Variants in EFCAB9 observed in about 807,000 individuals in gnomAD.
The protein encoded by EFCAB9 is EF-hand calcium binding domain 9, also known as EF-hand calcium-binding domain-containing protein 9.
Under a neutral mutation model 15.6 loss-of-function variants are expected in EFCAB9, and 16 were observed. The ratio of observed to expected loss-of-function variants is 1.03; its 90% CI spans 0.69 to 1.56. The LOEUF (loss-of-function observed/expected upper bound fraction) is 1.56. Ranked by LOEUF, EFCAB9 falls within the 40% of genes most tolerant of loss-of-function variation. The probability of loss-of-function intolerance (pLI) is 0.00; values close to 1 mark genes in which losing one functional copy is unlikely to be tolerated. For missense variants in EFCAB9, 208 were observed against 235.4 expected (o/e 0.88, Z 0.76); for synonymous variants, 76 against 85.4 (o/e 0.89, Z 0.61).
intron 1 of EFCAB9, among the ~76,000 whole-genome samples, chr5:172,195,121 C>G (rs1051728342): frequency 2.7e-5 from 4 of 150,846 alleles, no homozygotes; most frequent in African/African-American, 9.8e-5. Flanking sequence ...GCTGCAGGAT[C>G]CCTTCTACTT....
In EFCAB9 at chr5:172,194,194, T is replaced by C; in HGVS notation, c.22T>C (p.Phe8Leu). The change falls in exon 1 of 4, where the codon TTT becomes CTT. Residue 8 changes from phenylalanine (F) to leucine (L), a missense_variant. Phe to Leu is a conservative substitution (Grantham distance 22). Transcript: ENST00000398186. MRLKQGS[F>L]LWYLYLDKIY... Reference sequence around the variant, plus strand: ...TAAGATGAGACTGAAGCAAGGATCGTTTCTGTGGTACCTCTATCTGGACAA... The same window carrying C: ...TAAGATGAGACTGAAGCAAGGATCGCTTCTGTGGTACCTCTATCTGGACAA... The C allele has an allele frequency of 6.5e-7, 1 of 1,537,470 alleles. No individual in the cohort carries two copies. Among genetic ancestry groups the C allele is most frequent in the East Asian group, 2.4e-5 (1 of 40,920 alleles).
At chr5:172,194,742 T>C (rs1702576780) in intron 1 of EFCAB9, among the ~76,000 whole-genome samples, 1 of 151,986 alleles carries the variant, frequency 6.6e-6, no homozygotes, top group African/African-American at 2.4e-5. Context: ...CAGAGAGAAG[T>C]TGCCAACTCA....
In EFCAB9 at chr5:172,203,268, C is replaced by T; in HGVS notation, c.517C>T (p.Gln173Ter). ...TACAATCATCTACACTGACAAATTA[C>T]AGAAGAGGCAGAAAACAGAGGAGAA... Reference protein sequence around the residue: ...LYTIIYTDKLQKRQKTEEKEK... With the variant: ...LYTIIYTDKL The change falls in exon 4 of 4, where the codon CAG becomes TAG. Residue 173 changes from glutamine (Q) to a stop codon, truncating the protein, a stop_gained. Coordinates refer to ENST00000398186, the MANE Select transcript of EFCAB9 (RefSeq NM_001171183.2). LOFTEE classifies it low-confidence loss of function (END_TRUNC). The T allele has an allele frequency of 4.6e-6, 7 of 1,536,188 alleles. No homozygotes were observed. Among genetic ancestry groups the T allele is most frequent in the South Asian group, 1.2e-5 (1 of 84,022 alleles).
rs188430713 is a variant in EFCAB9, at chr5:172,199,026, C to G, written c.137-357C>G. Among the ~76,000 whole-genome samples, 15 of 152,338 alleles carry G rather than the reference C, an allele frequency of 9.8e-5. No homozygotes were observed. The East Asian group carries it at 1.9e-3, about 20-fold the overall frequency. On this transcript the variant is annotated intron_variant, in intron 1 of 3. Coordinates refer to ENST00000398186, the MANE Select transcript of EFCAB9 (RefSeq NM_001171183.2). Reference sequence around the variant, plus strand: ...AGTCCCCAGTGAGAATTAAGCTCTCCTTTCATACATAAGGAGCACTTTGTG... The same window carrying G: ...AGTCCCCAGTGAGAATTAAGCTCTCGTTTCATACATAAGGAGCACTTTGTG...
At chr5:172,197,256 C>T (rs1425268449) in intron 1 of EFCAB9, among the ~76,000 whole-genome samples, 4 of 151,946 alleles carry the variant, frequency 2.6e-5, no homozygotes, top group Non-Finnish European at 4.4e-5. Flanking sequence ...TACAGGCATG[C>T]GCCACCATGC....
At position 172,199,576 on chromosome 5, in the gene EFCAB9, A is replaced by C. The variant is rs1186229483; in HGVS notation, c.285+45A>C. 4 of 1,533,320 alleles carry C rather than the reference A, an allele frequency of 2.6e-6. No individual in the cohort carries two copies. The Admixed American group carries it at 7.9e-5, about 30-fold the overall frequency. 95.0% of individuals were successfully genotyped at this position (1,533,320 alleles called of 1,614,324 possible). The stretch of plus-strand genomic sequence containing the variant: ...CTGCCATCCTCTTGCTAATGGGAGC[A>C]CTGAATTAGGAATGCATCAGAAGTT... On this transcript the variant is annotated intron_variant, in intron 2 of 3. Coordinates refer to ENST00000398186, the MANE Select transcript of EFCAB9 (RefSeq NM_001171183.2).
intron 2 of EFCAB9, 115 bp downstream of exon 2, chr5:172,199,646 AAAATGAGT>A (rs1393022743): frequency 7.1e-7 from 1 of 1,411,972 alleles, no homozygotes; most frequent in African/African-American, 1.4e-5. Flanking sequence ...GGTGGTGGGG[AAAATGAGT>A]TTTGGTTCCC....
At chr5:172,200,538 C>T in intron 2 of EFCAB9, 28 bp from the exon 3 acceptor site, 1 of 1,523,256 alleles carries the variant, frequency 6.6e-7, no homozygotes, top group Non-Finnish European at 8.8e-7. Flanking sequence ...AACACTGTTG[C>T]TCATCTCACC....
chr5:172,199,347 C>T (rs1199000113), intron 1 of EFCAB9, 36 bp from the exon 2 acceptor site: 1 of 1,533,372 alleles, frequency 6.5e-7, no homozygotes, highest in African/African-American at 1.4e-5. Context: ...GAACTATATC[C>T]AAATAACACA....
intron 1 of EFCAB9, among the ~76,000 whole-genome samples, chr5:172,195,183 A>AATAAATAT (rs779715012): frequency 3.4e-5 from 5 of 146,988 alleles, no homozygotes; most frequent in African/African-American, 1.3e-4. Flanking sequence ...TAAATAAATA[A>AATAAATAT]AAATAAATAA....
intron 1 of EFCAB9, among the ~76,000 whole-genome samples, chr5:172,198,946 T>G (rs1308206685): frequency 6.6e-6 from 1 of 152,198 alleles, no homozygotes; most frequent in Non-Finnish European, 1.5e-5. Context: ...CTCATTTTAA[T>G]TATCTCAAGG....
intron 2 of EFCAB9, among the ~76,000 whole-genome samples, chr5:172,199,969 A>G (rs1362394304): frequency 1.4e-5 from 2 of 138,150 alleles, no homozygotes; most frequent in Non-Finnish European, 3.1e-5. Context: ...CTGAGTCTCA[A>G]TCTGTGGCCC....
chr5:172,198,912 C>A (rs565447503), intron 1 of EFCAB9, among the ~76,000 whole-genome samples: 7 of 152,146 alleles, frequency 4.6e-5, no homozygotes, highest in Non-Finnish European at 7.3e-5. Flanking sequence ...CTGTGCCTGG[C>A]CGAAGGGGAA....
Position 172,199,495 on chromosome 5 carries a change from G to T in EFCAB9, c.249G>T (p.Lys83Asn). ...WNAVGEIDFE[K>N]FYMLVCMLLA... ...CTGTGGGCGAGATCGACTTTGAGAA[G>T]TTCTACATGCTGGTGTGCATGCTGC... The change falls in exon 2 of 4, where the codon AAG (lysine) becomes AAT (asparagine). Residue 83 changes from lysine (K) to asparagine (N), a missense_variant. By Grantham distance (94) the Lys-to-Asn change is moderately conservative. Coordinates refer to ENST00000398186, the MANE Select transcript of EFCAB9 (RefSeq NM_001171183.2). 6.5e-7 allele frequency: 1 copy of T among 1,537,352 alleles called. No homozygotes were observed. The highest frequency in any genetic ancestry group is 8.7e-7 in the Non-Finnish European group (1 of 1,146,928).
chr5:172,194,998 G>A (rs774040674), intron 1 of EFCAB9, among the ~76,000 whole-genome samples: 3 of 151,982 alleles, frequency 2.0e-5, no homozygotes, highest in Non-Finnish European at 4.4e-5. Flanking sequence ...GACTTAATAA[G>A]TGTTTGTTAT....
At position 172,202,461 on chromosome 5, in the gene EFCAB9, A is replaced by G. The variant is rs143292381; in HGVS notation, c.463-753A>G. Among the ~76,000 whole-genome samples the G allele has an allele frequency of 2.0e-5, 3 of 152,076 alleles. No homozygotes were observed. The East Asian group carries it at 5.8e-4, about 29-fold the overall frequency. On this transcript the variant is annotated intron_variant, in intron 3 of 3. Transcript: ENST00000398186. Reference sequence around the variant, plus strand: ...CATGGCTCATGACTGTAATCCCAACATTTTGGGAGGCTGGGGTGGGTGGAT... The same window carrying G: ...CATGGCTCATGACTGTAATCCCAACGTTTTGGGAGGCTGGGGTGGGTGGAT...
At chr5:172,202,516 T>C (rs1771273546) in intron 3 of EFCAB9, among the ~76,000 whole-genome samples, 2 of 152,202 alleles carry the variant, frequency 1.3e-5, no homozygotes, top group East Asian at 3.9e-4. Context: ...AAGATCAGCC[T>C]GGCCAACATG....
chr5:172,194,556 C>T (rs1395082808), intron 1 of EFCAB9, among the ~76,000 whole-genome samples: 5 of 152,092 alleles, frequency 3.3e-5, no homozygotes, highest in African/African-American at 9.7e-5. Context: ...TCTGCCACCA[C>T]GCCTGGCTAA....
intron 1 of EFCAB9, among the ~76,000 whole-genome samples, chr5:172,195,256 G>T (rs1187780399): frequency 1.3e-5 from 2 of 151,976 alleles, no homozygotes; most frequent in African/African-American, 4.8e-5. Flanking sequence ...CAAACTAATA[G>T]AAGTCCAATT....
Sources: gnomAD v4.1 joint callset for allele counts (sites outside exome capture counted in the v4.1 genomes callset) on GRCh38, gnomAD v4.1.1 for gene constraint, MANE v1.5 for transcripts, NCBI Gene and HGNC (gene_info 2026-07-23, HGNC 2026-07-21) for gene names.